FBXW11: variants seen among roughly 807,000 people sequenced by gnomAD.
The protein encoded by FBXW11 is F-box/WD repeat-containing protein 11.
Under a neutral mutation model 77.6 loss-of-function variants are expected in FBXW11, and 19 were observed. The observed-to-expected ratio is 0.24, with a 90% CI of 0.17 to 0.36. The LOEUF (loss-of-function observed/expected upper bound fraction) is 0.36. Ranked by LOEUF, FBXW11 falls within the 10% of genes least tolerant of loss-of-function variation. The pLI, the probability that FBXW11 is intolerant of heterozygous loss-of-function variation, is 1.00. For synonymous variants in FBXW11, 235 were observed against 249.4 expected (o/e 0.94, Z 0.54); for missense variants, 334 against 704.2 (o/e 0.47, Z 5.95).
At chr5:171,965,584 G>A (rs1764141646) in intron 1 of FBXW11, among the ~76,000 whole-genome samples, 3 of 151,242 alleles carry the variant, frequency 2.0e-5, no homozygotes, top group Admixed American at 1.3e-4. Flanking sequence ...AAACTAAAAT[G>A]GATCTTCACT....
chr5:171,864,101 C>T lies in FBXW11; in HGVS notation c.*26G>A, dbSNP rs1212761901. Reference sequence around the variant, plus strand: ...AGCCAGTAGTTCAAGACTAGAAAACCCTGAGGAAAGAAAAACAGAAGCAAA... The same window carrying T: ...AGCCAGTAGTTCAAGACTAGAAAACTCTGAGGAAAGAAAAACAGAAGCAAA... On this transcript the variant is annotated splice_region_variant and 3_prime_UTR_variant, in exon 14 of 14. Coordinates refer to ENST00000517395, the MANE Select transcript of FBXW11 (RefSeq NM_001378974.1). The T allele has an allele frequency of 6.6e-6, 1 of 152,138 alleles. No individual in the cohort carries two copies. The highest frequency in any genetic ancestry group is 1.5e-5 in the Non-Finnish European group (1 of 68,062). The allele number at this position is 152,138 out of a possible 1,614,324, so 9.4% of individuals were successfully genotyped here.
chr5:171,937,201 T>C (rs575159033), intron 2 of FBXW11, among the ~76,000 whole-genome samples: 2 of 152,240 alleles, frequency 1.3e-5, no homozygotes, highest in Admixed American at 1.3e-4. Context: ...CTAGACAAAA[T>C]GATACTCAAG....
rs1158810793 is a variant in FBXW11 at position 171,861,846 on chromosome 5, T to G, written c.*2281A>C. Reference sequence around the variant, plus strand: ...TTAATTACAAGTTAGAATTAGACTATCCCAGTGCTTTAAAACATTAATATA... The same window carrying G: ...TTAATTACAAGTTAGAATTAGACTAGCCCAGTGCTTTAAAACATTAATATA... On this transcript the variant is annotated 3_prime_UTR_variant, in exon 14 of 14. Coordinates refer to ENST00000517395, the MANE Select transcript of FBXW11 (RefSeq NM_001378974.1). 6.6e-6 allele frequency: 1 copy of G among 152,650 alleles called. No homozygotes were observed. Among genetic ancestry groups the G allele is most frequent in the African/African-American group, 2.4e-5 (1 of 41,456 alleles). The allele number at this position is 152,650 out of a possible 1,614,324, so 9.5% of individuals were successfully genotyped here. A position where few individuals can be genotyped will look rare whatever the true frequency, so the allele number is the denominator to read the frequency against.
At chr5:171,961,729 C>T (rs1763923311) in intron 1 of FBXW11, among the ~76,000 whole-genome samples, 1 of 152,286 alleles carries the variant, frequency 6.6e-6, no homozygotes, top group African/African-American at 2.4e-5. Flanking sequence ...TCACTGAAAC[C>T]TCCATCTCTC....
At chr5:171,930,652 C>A (rs1762118901) in intron 2 of FBXW11, among the ~76,000 whole-genome samples, 1 of 151,284 alleles carries the variant, frequency 6.6e-6, no homozygotes, top group South Asian at 2.1e-4. Context: ...ATCTGCTGAC[C>A]TTCCCTCCAC....
chr5:171,989,938 G>T (rs1340215583), intron 1 of FBXW11, among the ~76,000 whole-genome samples: 1 of 152,220 alleles, frequency 6.6e-6, no homozygotes, highest in African/African-American at 2.4e-5. Flanking sequence ...AGATATGGTT[G>T]TGTGTATGCA....
chr5:171,951,572 T>TC (rs1450740573), intron 2 of FBXW11, among the ~76,000 whole-genome samples: 1 of 151,060 alleles, frequency 6.6e-6, no homozygotes, highest in Non-Finnish European at 1.5e-5. Context: ...GGCTATTTTT[T>TC]TTTGAAAATA....
At chr5:171,952,181 A>G (rs980082383) in intron 2 of FBXW11, among the ~76,000 whole-genome samples, 1 of 151,730 alleles carries the variant, frequency 6.6e-6, no homozygotes, top group Non-Finnish European at 1.5e-5. Context: ...CAGCAGCAGA[A>G]TAACACTGCA....
chr5:171,930,746 A>T (rs10051579), intron 2 of FBXW11, among the ~76,000 whole-genome samples: 1 of 103,480 alleles, frequency 9.7e-6, no homozygotes, highest in Admixed American at 1.2e-4. Context: ...AAAATAAAAA[A>T]TAAAAAATAA....
chr5:171,938,977 T>C lies in FBXW11; in HGVS notation c.147+18620A>G, dbSNP rs150762866. The stretch of plus-strand genomic sequence containing the variant: ...TAGGCCAGGCGCAGTGGCTCACACC[T>C]GTAATCCCAGCACTTTGGGAAGCTG... On this transcript the variant is annotated intron_variant, in intron 2 of 13. Coordinates refer to ENST00000517395, the MANE Select transcript of FBXW11 (RefSeq NM_001378974.1). Among the ~76,000 whole-genome samples the C allele has an allele frequency of 3.9e-4, 59 of 152,324 alleles. 1 individual carries two copies. The East Asian group carries it at 9.6e-3, about 25-fold the overall frequency.
chr5:171,974,864 G>T (rs933131696), intron 1 of FBXW11, among the ~76,000 whole-genome samples: 16 of 152,094 alleles, frequency 1.1e-4, no homozygotes, highest in African/African-American at 3.9e-4. Context: ...GCACTTTCTC[G>T]GCTCACTGCA....
chr5:171,902,311 T>C (rs1198936653), intron 4 of FBXW11, among the ~76,000 whole-genome samples: 2 of 152,228 alleles, frequency 1.3e-5, no homozygotes, highest in Non-Finnish European at 2.9e-5. Context: ...GTATTGCAAT[T>C]TTTCACTTAC....
intron 6 of FBXW11, among the ~76,000 whole-genome samples, chr5:171,893,136 C>T (rs999464422): frequency 6.6e-6 from 1 of 151,952 alleles, no homozygotes; most frequent in Non-Finnish European, 1.5e-5. Context: ...TTGGAGATAT[C>T]GATACACGTA....
chr5:171,932,403 GAGA>G (rs2113087086), intron 2 of FBXW11, among the ~76,000 whole-genome samples: 1 of 152,258 alleles, frequency 6.6e-6, no homozygotes, highest in East Asian at 1.9e-4. Context: ...TGAAATGCTG[GAGA>G]AGATGTGGAG....
chr5:171,894,014 T>C (rs1759568950), intron 6 of FBXW11, among the ~76,000 whole-genome samples: 1 of 17,292 alleles, frequency 5.8e-5, no homozygotes, highest in Admixed American at 9.1e-4. Context: ...CCAAAAAGAA[T>C]TTTCTCCATG....
intron 2 of FBXW11, 128 bp from the exon 3 acceptor site, chr5:171,914,533 G>T (rs1397193078): frequency 3.0e-6 from 2 of 677,050 alleles, no homozygotes; most frequent in South Asian, 2.4e-5. Flanking sequence ...TTGGCTTTGT[G>T]GCTAACACAT....
At position 171,879,953 on chromosome 5, in the gene FBXW11, A is replaced by T. The variant is rs985426455; in HGVS notation, c.853-1824T>A. ...TAATTTTAACAAAGTCCAGCTCATT[A>T]ATTCTTTCTTTCATGGGTCATGGCT... On this transcript the variant is annotated intron_variant, in intron 7 of 13. Coordinates refer to ENST00000517395, the MANE Select transcript of FBXW11 (RefSeq NM_001378974.1). Among the ~76,000 whole-genome samples the T allele has an allele frequency of 7.4e-4, 112 of 152,112 alleles. 1 individual carries two copies. The highest frequency in any genetic ancestry group is 1.9e-4 in the Non-Finnish European group (13 of 67,998).
intron 2 of FBXW11, among the ~76,000 whole-genome samples, chr5:171,940,481 C>T (rs551978171): frequency 6.6e-6 from 1 of 152,148 alleles, no homozygotes; most frequent in Non-Finnish European, 1.5e-5. Flanking sequence ...GGAAACAAGG[C>T]TCTTCGGAGA....
rs1761027372 is a variant in FBXW11 at position 171,913,702 on chromosome 5, T to C, written c.210+641A>G. Reference sequence around the variant, plus strand: ...TACATTATTATCTTCAGATTTAGATTTGTTTTGCTTTTAATCCTGTCTTCA... The same window carrying C: ...TACATTATTATCTTCAGATTTAGATCTGTTTTGCTTTTAATCCTGTCTTCA... On this transcript the variant is annotated intron_variant, in intron 3 of 13. Coordinates refer to ENST00000517395, the MANE Select transcript of FBXW11 (RefSeq NM_001378974.1). 2.0e-5 allele frequency among the ~76,000 whole-genome samples: 3 copies of C among 152,246 alleles called. No individual in the cohort carries two copies. The South Asian group carries it at 6.2e-4, about 32-fold the overall frequency.
Sources: allele counts gnomAD v4.1 joint callset (sites outside exome capture counted in the v4.1 genomes callset), GRCh38; gene constraint gnomAD v4.1.1; transcripts MANE v1.5; gene names NCBI Gene and HGNC (gene_info 2026-07-23, HGNC 2026-07-21).